NECAB1: variants seen among roughly 807,000 people sequenced by gnomAD.
NECAB1 encodes N-terminal EF-hand calcium-binding protein 1.
A neutral mutation model predicts 57.5 loss-of-function variants in NECAB1; 29 were observed. The ratio of observed to expected loss-of-function variants is 0.50; its 90% CI spans 0.38 to 0.69. The LOEUF is 0.69. Among genes scored for constraint, NECAB1 ranks in the 30% least tolerant of loss-of-function variants. The probability of loss-of-function intolerance (pLI) is 0.00; values close to 1 mark genes in which losing one functional copy is unlikely to be tolerated. For synonymous variants in NECAB1, 142 were observed against 147.7 expected, an observed-to-expected ratio of 0.96 and a Z score of 0.28; for missense variants, 372 against 413.8, an observed-to-expected ratio of 0.90 and a Z score of 0.88.
Position 90,791,894 on chromosome 8 carries a change from A to C in NECAB1, c.8A>C (p.Asp3Ala), listed in dbSNP as rs1244488947. 20 of 1,551,068 alleles carry C rather than the reference A, an allele frequency of 1.3e-5. No homozygotes were observed. In the Admixed American group the frequency reaches 3.1e-4, roughly 24 times the overall value. The change falls in exon 1 of 13, where the codon GAT (aspartate) becomes GCT (alanine). Residue 3 changes from aspartate (D) to alanine (A), a missense_variant. Physicochemically the swap from Asp to Ala is moderately radical, Grantham distance 126. Coordinates refer to ENST00000417640, the MANE Select transcript of NECAB1 (RefSeq NM_022351.5). MEDSQETSPSSNN... is the reference protein window; with the variant it reads MEASQETSPSSNN... ...CCGTCAGGGCTCCCGAGGATGGAAG[A>C]TTCCCAGGAGACATCGCCGTCCTCC...
chr8:90,895,198 C>G (rs1444101461), intron 5 of NECAB1, among the ~76,000 whole-genome samples: 1 of 152,182 alleles, frequency 6.6e-6, no homozygotes, highest in Non-Finnish European at 1.5e-5. Context: ...ACCTAGTCAG[C>G]CATCTCCTTG....
intron 6 of NECAB1, among the ~76,000 whole-genome samples, chr8:90,923,810 T>C (rs935205615): frequency 1.3e-5 from 2 of 151,990 alleles, no homozygotes; most frequent in African/African-American, 4.8e-5. Context: ...CTGAGGAAGG[T>C]TGAAATATAA....
At chr8:90,847,018 A>G (rs1412685392) in intron 3 of NECAB1, among the ~76,000 whole-genome samples, 3 of 152,198 alleles carry the variant, frequency 2.0e-5, no homozygotes, top group Non-Finnish European at 4.4e-5. Context: ...CCCTTCCAAC[A>G]GTCCCCCAAA....
At chr8:90,895,956 T>G (rs1809318892) in intron 5 of NECAB1, among the ~76,000 whole-genome samples, 1 of 152,224 alleles carries the variant, frequency 6.6e-6, no homozygotes, top group African/African-American at 2.4e-5. Flanking sequence ...GGAGAATAAT[T>G]TTTTCAAGTT....
chr8:90,913,925 T>G (rs1264472909), intron 5 of NECAB1, among the ~76,000 whole-genome samples: 1 of 152,192 alleles, frequency 6.6e-6, no homozygotes, highest in Non-Finnish European at 1.5e-5. Flanking sequence ...AACAAAGCTG[T>G]ATTTTTCTTT....
chr8:90,823,173 G>T (rs899689290), intron 2 of NECAB1, among the ~76,000 whole-genome samples: 1 of 151,922 alleles, frequency 6.6e-6, no homozygotes, highest in African/African-American at 2.4e-5. Context: ...CGCTAAGCTG[G>T]CTTGGCCCAG....
intron 10 of NECAB1, among the ~76,000 whole-genome samples, chr8:90,948,339 G>A (rs753619604): frequency 6.6e-6 from 1 of 151,870 alleles, no homozygotes; most frequent in Non-Finnish European, 1.5e-5. Flanking sequence ...AAAATCTGAA[G>A]TTGAGCTAAA....
chr8:90,907,149 T>TGAGAGAGA lies in NECAB1; in HGVS notation c.358-10342_358-10341insAGAGAGAG, dbSNP rs1178039932. ...GTGTGTGTGTGTGTGTGTGTGTGTG[T>TGAGAGAGA]GTGAGAGAGAGAGAGAGAGAGAGAG... On this transcript the variant is annotated intron_variant, in intron 5 of 12. Transcript: ENST00000417640. Among the ~76,000 whole-genome samples, 377 of 107,172 alleles carry TGAGAGAGA rather than the reference T, an allele frequency of 3.5e-3. 1 individual carries two copies. Among genetic ancestry groups the TGAGAGAGA allele is most frequent in the Non-Finnish European group, 4.8e-3 (267 of 55,212 alleles). The allele number at this position is 107,172 out of a possible 152,430, so 70.3% of individuals were successfully genotyped here. A position where few individuals can be genotyped will look rare whatever the true frequency, so the allele number is the denominator to read the frequency against.
At chr8:90,832,327 G>C (rs1812309652) in intron 3 of NECAB1, among the ~76,000 whole-genome samples, 1 of 152,106 alleles carries the variant, frequency 6.6e-6, no homozygotes, top group Non-Finnish European at 1.5e-5. Flanking sequence ...TTGGGGCACT[G>C]CATTCTTCCC....
intron 7 of NECAB1, 144 bp from the exon 8 acceptor site, chr8:90,928,079 C>A: frequency 1.6e-6 from 1 of 619,936 alleles, no homozygotes; most frequent in Non-Finnish European, 2.8e-6. Context: ...CCTTAGAAAG[C>A]ACTCGTGAAT....
chr8:90,853,296 C>G (rs1812723766), intron 3 of NECAB1, among the ~76,000 whole-genome samples: 1 of 152,232 alleles, frequency 6.6e-6, no homozygotes, highest in Non-Finnish European at 1.5e-5. Flanking sequence ...CATGCTCTCT[C>G]CCACAAGGAG....
Position 90,955,589 on chromosome 8 carries a change from C to G in NECAB1, c.*77C>G. On this transcript the variant is annotated 3_prime_UTR_variant, in exon 13 of 13. Transcript: ENST00000417640. ...TCTAAAACGTCAATTAGAAAATTAT[C>G]TGCGGTTGTTAATCTACTGTATATT... The G allele has an allele frequency of 6.2e-6, 7 of 1,127,928 alleles. No homozygotes were observed. The highest frequency in any genetic ancestry group is 8.8e-6 in the Non-Finnish European group (7 of 791,808). The allele number at this position is 1,127,928 out of a possible 1,614,324, so 69.9% of individuals were successfully genotyped here. A position where few individuals can be genotyped will look rare whatever the true frequency, so the allele number is the denominator to read the frequency against.
chr8:90,797,783 G>A (rs565565922), intron 1 of NECAB1, among the ~76,000 whole-genome samples: 2 of 152,194 alleles, frequency 1.3e-5, no homozygotes, highest in Non-Finnish European at 2.9e-5. Context: ...AAAAAATAAT[G>A]TATTGGCTCC....
chr8:90,947,351 C>CAG (rs1342952213), intron 10 of NECAB1, among the ~76,000 whole-genome samples: 7,395 of 125,088 alleles, frequency 0.059, 479 homozygotes, highest in East Asian at 0.13. Flanking sequence ...CACACACACA[C>CAG]AATAAGCCAA....
intron 4 of NECAB1, among the ~76,000 whole-genome samples, chr8:90,873,203 A>C (rs1808651788): frequency 6.6e-6 from 1 of 152,242 alleles, no homozygotes; most frequent in African/African-American, 2.4e-5. Flanking sequence ...ATCCTAGCAT[A>C]GTGTCCATCT....
At position 90,791,943 on chromosome 8, in the gene NECAB1, C is replaced by G. The variant is rs1376478026; in HGVS notation, c.57C>G (p.Ser19Arg). Residue 19 changes from serine (S) to arginine (R), a missense_variant, in exon 1 of 13, where the codon AGC (serine) becomes AGG (arginine). Physicochemically the swap from Ser to Arg is moderately radical, Grantham distance 110 (BLOSUM62 -1). Coordinates refer to ENST00000417640, the MANE Select transcript of NECAB1 (RefSeq NM_022351.5). ...PSSNNSSEELSSALHLSKGMS... is the reference protein window; with the variant it reads ...PSSNNSSEELRSALHLSKGMS... ...CCAACAACTCCTCGGAGGAGCTCAG[C>G]TCTGCTCTGCACCTGTCCAAGGGCA... 4.5e-6 allele frequency: 7 copies of G among 1,552,774 alleles called. No individual in the cohort carries two copies. The highest frequency in any genetic ancestry group is 5.2e-6 in the Non-Finnish European group (6 of 1,147,632).
chr8:90,816,621 C>T (rs1812065282), intron 2 of NECAB1, among the ~76,000 whole-genome samples: 1 of 151,730 alleles, frequency 6.6e-6, no homozygotes, highest in Non-Finnish European at 1.5e-5. Context: ...TCTCCTTTGT[C>T]AACAATCAGT....
chr8:90,872,900 T>A (rs1001876417), intron 4 of NECAB1, among the ~76,000 whole-genome samples: 1 of 152,184 alleles, frequency 6.6e-6, no homozygotes, highest in African/African-American at 2.4e-5. Flanking sequence ...TTTTTGGTAG[T>A]TAGAGTTGAG....
intron 2 of NECAB1, among the ~76,000 whole-genome samples, chr8:90,818,990 C>G (rs1199874563): frequency 6.6e-6 from 1 of 151,870 alleles, no homozygotes; most frequent in Non-Finnish European, 1.5e-5. Flanking sequence ...CTCACAAAAA[C>G]TAGATTAAAA....
Sources: gnomAD v4.1 joint callset for allele counts (sites outside exome capture counted in the v4.1 genomes callset) on GRCh38, gnomAD v4.1.1 for gene constraint, MANE v1.5 for transcripts, NCBI Gene and HGNC (gene_info 2026-07-23, HGNC 2026-07-21) for gene names.